Variants in TMEM65 observed in about 807,000 individuals in gnomAD.
TMEM65 encodes the protein transmembrane protein 65.
TMEM65 carries 22 observed loss-of-function variants against 25.4 expected under a neutral mutation model. The ratio of observed to expected loss-of-function variants is 0.86; its 90% CI spans 0.62 to 1.23. The LOEUF is 1.23. Ranked by LOEUF, TMEM65 falls within the 50% of genes most tolerant of loss-of-function variation. The pLI is 0.00. For synonymous variants in TMEM65, 132 were observed against 126.2 expected, an observed-to-expected ratio of 1.05 and a Z score of -0.31; for missense variants, 262 against 308.2, an observed-to-expected ratio of 0.85 and a Z score of 1.12.
intron 1 of TMEM65, among the ~76,000 whole-genome samples, chr8:124,359,707 A>G (rs146132354): frequency 0.012 from 1,840 of 152,252 alleles, 38 homozygotes; most frequent in African/African-American, 0.042. Flanking sequence ...ACACCACTGC[A>G]CTACAGTCTG....
At chr8:124,370,546 G>T (rs1394297423) in intron 1 of TMEM65, among the ~76,000 whole-genome samples, 2 of 152,166 alleles carry the variant, frequency 1.3e-5, no homozygotes, top group Non-Finnish European at 2.9e-5. Context: ...GAATTGATCG[G>T]ACGTTACATT....
At chr8:124,361,002 C>A (rs1434058322) in intron 1 of TMEM65, among the ~76,000 whole-genome samples, 1 of 152,096 alleles carries the variant, frequency 6.6e-6, no homozygotes, top group Admixed American at 6.5e-5. Flanking sequence ...GTTAAGTATA[C>A]TTAGATCTGT....
intron 1 of TMEM65, among the ~76,000 whole-genome samples, chr8:124,336,718 AAAG>A (rs1239760190): frequency 1.3e-5 from 2 of 151,962 alleles, no homozygotes; most frequent in Non-Finnish European, 2.9e-5. Context: ...CTTACATTAA[AAAG>A]AAGAAAGGTC....
At chr8:124,317,876 G>A (rs1319359769) in intron 6 of TMEM65, among the ~76,000 whole-genome samples, 1 of 152,176 alleles carries the variant, frequency 6.6e-6, no homozygotes, top group South Asian at 2.1e-4. Flanking sequence ...ACATGGCAAA[G>A]AACTGCAGGT....
rs190289091 is a variant in TMEM65 at position 124,344,511 on chromosome 8, C to G, written c.305-13719G>C. 4.7e-4 allele frequency among the ~76,000 whole-genome samples: 71 copies of G among 152,302 alleles called. 1 individual carries two copies. The highest frequency in any genetic ancestry group is 4.4e-3 in the Admixed American group (67 of 15,296). On this transcript the variant is annotated intron_variant, in intron 1 of 6. Coordinates refer to ENST00000297632, the MANE Select transcript of TMEM65 (RefSeq NM_194291.3). Reference sequence around the variant, plus strand: ...TTGCTAAAACTGTTTCAGACAGCATCATTCCTTTGGACTCTGCTGTCTGAA... The same window carrying G: ...TTGCTAAAACTGTTTCAGACAGCATGATTCCTTTGGACTCTGCTGTCTGAA...
At chr8:124,350,207 T>A (rs1814690086) in intron 1 of TMEM65, among the ~76,000 whole-genome samples, 1 of 151,798 alleles carries the variant, frequency 6.6e-6, no homozygotes, top group Non-Finnish European at 1.5e-5. Context: ...TACAGCTTAG[T>A]TTTTGCTATT....
intron 1 of TMEM65, among the ~76,000 whole-genome samples, chr8:124,336,346 C>T (rs1255554936): frequency 6.6e-6 from 1 of 151,986 alleles, no homozygotes; most frequent in Non-Finnish European, 1.5e-5. Flanking sequence ...TTGAACACTA[C>T]CAACTATGTT....
At chr8:124,326,910 A>C (rs776002087) in intron 3 of TMEM65, among the ~76,000 whole-genome samples, 2 of 152,034 alleles carry the variant, frequency 1.3e-5, no homozygotes, top group African/African-American at 4.8e-5. Context: ...AACTTTAAAC[A>C]ATGGCTAGAC....
chr8:124,357,710 T>C (rs1814802003), intron 1 of TMEM65, among the ~76,000 whole-genome samples: 1 of 152,154 alleles, frequency 6.6e-6, no homozygotes, highest in South Asian at 2.1e-4. Flanking sequence ...AGGTGTTATT[T>C]TCCCCATGTG....
intron 1 of TMEM65, among the ~76,000 whole-genome samples, chr8:124,343,114 C>T (rs578139035): frequency 1.3e-5 from 2 of 152,200 alleles, no homozygotes; most frequent in South Asian, 4.2e-4. Flanking sequence ...AAACAAAGCT[C>T]ACTTCAATGG....
chr8:124,329,445 A>C lies in TMEM65; in HGVS notation c.349+1303T>G, dbSNP rs377566369. On this transcript the variant is annotated intron_variant, in intron 2 of 6. Transcript: ENST00000297632. Reference sequence around the variant, plus strand: ...ATTAGCATTTTGGGATTCTTTTAATAGCATCTCTAAAACTGGCCAGTTACA... The same window carrying C: ...ATTAGCATTTTGGGATTCTTTTAATCGCATCTCTAAAACTGGCCAGTTACA... Among the ~76,000 whole-genome samples, 11 of 152,136 alleles carry C rather than the reference A, an allele frequency of 7.2e-5. No homozygotes were observed. In the East Asian group the frequency reaches 1.2e-3, roughly 16 times the overall value.
intron 1 of TMEM65, 38 bp downstream of exon 1, chr8:124,371,814 GTC>G: frequency 6.7e-7 from 1 of 1,485,760 alleles, no homozygotes; most frequent in Non-Finnish European, 8.9e-7. Flanking sequence ...AGAGGAGGGC[GTC>G]GGGGCCCCCG....
chr8:124,352,880 A>C lies in TMEM65; in HGVS notation c.304+18974T>G, dbSNP rs181750677. 2.2e-4 allele frequency among the ~76,000 whole-genome samples: 33 copies of C among 152,222 alleles called. No individual in the cohort carries two copies. In the East Asian group the frequency reaches 6.4e-3, roughly 29 times the overall value. The stretch of plus-strand genomic sequence containing the variant: ...AGTGGCTCACGCCTGTAATCCCAGC[A>C]TTTTAAGAGGCCAAGGCGGGCAGAT... On this transcript the variant is annotated intron_variant, in intron 1 of 6. Coordinates refer to ENST00000297632, the MANE Select transcript of TMEM65 (RefSeq NM_194291.3).
At chr8:124,335,882 A>G (rs890959950) in intron 1 of TMEM65, among the ~76,000 whole-genome samples, 11 of 152,060 alleles carry the variant, frequency 7.2e-5, no homozygotes, top group African/African-American at 2.7e-4. Flanking sequence ...ATATCCAACC[A>G]TATCAATAAT....
chr8:124,345,938 G>T (rs1030207400), intron 1 of TMEM65, among the ~76,000 whole-genome samples: 2 of 152,086 alleles, frequency 1.3e-5, no homozygotes, highest in Non-Finnish European at 2.9e-5. Flanking sequence ...GCAGAGACAG[G>T]GTTTCACCAT....
At chr8:124,371,647 C>T (rs1432612954) in intron 1 of TMEM65, among the ~76,000 whole-genome samples, 1 of 152,218 alleles carries the variant, frequency 6.6e-6, no homozygotes, top group Non-Finnish European at 1.5e-5. Context: ...ACGACCCGCG[C>T]CCGTCCTACC....
Position 124,310,630 on chromosome 8 carries a change from C to T in TMEM65, c.*3330G>A, listed in dbSNP as rs1814145226. 6.6e-6 allele frequency: 1 copy of T among 151,988 alleles called. No individual in the cohort carries two copies. The highest frequency in any genetic ancestry group is 6.6e-5 in the Admixed American group (1 of 15,256). The allele number at this position is 151,988 out of a possible 1,614,324, so 9.4% of individuals were successfully genotyped here. On this transcript the variant is annotated 3_prime_UTR_variant, in exon 7 of 7. Transcript: ENST00000297632. ...CAATAATGTGTGTAAATTACTAGTG[C>T]ATAAAGGACCAAATAAGTGTTTAAT...
rs1391263170 is a variant in TMEM65 at position 124,372,000 on chromosome 8, C to G, written c.158G>C (p.Arg53Pro). The G allele has an allele frequency of 1.5e-6, 2 of 1,346,662 alleles. No homozygotes were observed. Among genetic ancestry groups the G allele is most frequent in the East Asian group, 3.1e-5 (1 of 32,054 alleles). 83.4% of individuals were successfully genotyped at this position (1,346,662 alleles called of 1,614,324 possible). Residue 53 changes from arginine to proline, a missense_variant, in exon 1 of 7, where the codon CGG becomes CCG. Coordinates refer to ENST00000297632, the MANE Select transcript of TMEM65 (RefSeq NM_194291.3). ...PPGGLPGGPRRLGTHPKKEPM... is the reference protein window; with the variant it reads ...PPGGLPGGPRPLGTHPKKEPM... ...CTCCTTCTTGGGGTGCGTGCCCAGCCGCCTGGGGCCGCCCGGCAAGCCGCC... is the reference window on the plus strand; with the variant it reads ...CTCCTTCTTGGGGTGCGTGCCCAGCGGCCTGGGGCCGCCCGGCAAGCCGCC...
Position 124,327,359 on chromosome 8 carries a change from C to A in TMEM65, c.412G>T (p.Val138Phe), listed in dbSNP as rs142970390. Residue 138 changes from valine to phenylalanine, a missense_variant, in exon 3 of 7, where the codon GTT (valine) becomes TTT (phenylalanine). Physicochemically the swap from Val to Phe is conservative, Grantham distance 50. Transcript: ENST00000297632. ...FGFLDNAIMI[V>F]AGTHIEMSIG... ...CAGTGAGAGAAAGAACTTACAGCAA[C>A]AATCATAATTGCATTATCCAAAAAG... The A allele has an allele frequency of 2.5e-6, 4 of 1,598,762 alleles. No homozygotes were observed. The East Asian group carries it at 9.1e-5, about 36-fold the overall frequency.
Sources: gnomAD v4.1 joint callset for allele counts (sites outside exome capture counted in the v4.1 genomes callset) on GRCh38, gnomAD v4.1.1 for gene constraint, MANE v1.5 for transcripts, NCBI Gene and HGNC (gene_info 2026-07-23, HGNC 2026-07-21) for gene names.